The following TMEM200A variants were observed in gnomAD, a reference collection of about 807,000 sequenced individuals.
TMEM200A encodes the protein two transmembrane C.
Under a neutral mutation model 24.3 loss-of-function variants are expected in TMEM200A, and 12 were observed. The observed-to-expected ratio is 0.49, with a 90% confidence interval of 0.32 to 0.80. The LOEUF (loss-of-function observed/expected upper bound fraction) is 0.80, where lower values mean the gene tolerates loss of function less well. TMEM200A is among the 30% of genes least tolerant of loss of function. The pLI, the probability that TMEM200A is intolerant of heterozygous loss-of-function variation, is 0.04. For missense variants in TMEM200A, 545 were observed against 614.4 expected (o/e 0.89, Z 1.19); for synonymous variants, 224 against 224.4 (o/e 1.00, Z 0.02).
chr6:130,375,375 A>G (rs1160367968), intron 1 of TMEM200A, among the ~76,000 whole-genome samples: 5 of 152,242 alleles, frequency 3.3e-5, no homozygotes, highest in Admixed American at 6.5e-5. Flanking sequence ...AACATGCGTT[A>G]AAAAGTAAAC....
chr6:130,442,856 T>C lies in TMEM200A; in HGVS notation c.*958T>C, dbSNP rs1780231370. On this transcript the variant is annotated 3_prime_UTR_variant, in exon 3 of 3. Transcript: ENST00000296978. ...TCCTAGTATTTGGAAAACAATCGGC[T>C]AACCTTGACATTTCTTTTTACCTTC... The C allele has an allele frequency of 6.0e-6, 1 of 167,034 alleles. No homozygotes were observed. The highest frequency in any genetic ancestry group is 2.1e-4 in the South Asian group (1 of 4,828). The allele number at this position is 167,034 out of a possible 1,614,324, so 10.3% of individuals were successfully genotyped here. A position where few individuals can be genotyped will look rare whatever the true frequency, so the allele number is the denominator to read the frequency against.
intron 2 of TMEM200A, among the ~76,000 whole-genome samples, chr6:130,399,415 T>C (rs151310109): frequency 1.2e-4 from 19 of 152,126 alleles, no homozygotes; most frequent in Admixed American, 4.6e-4. Flanking sequence ...ATTTGGACTT[T>C]TTGATTTTAG....
chr6:130,416,893 T>C (rs1231982506), intron 2 of TMEM200A, among the ~76,000 whole-genome samples: 1 of 152,112 alleles, frequency 6.6e-6, no homozygotes, highest in Non-Finnish European at 1.5e-5. Context: ...TTGTTTTTCA[T>C]TCATTTCTTT....
chr6:130,370,291 G>A (rs1056902266), intron 1 of TMEM200A, among the ~76,000 whole-genome samples: 4 of 152,026 alleles, frequency 2.6e-5, no homozygotes, highest in Non-Finnish European at 5.9e-5. Flanking sequence ...GGCTCTGATT[G>A]GCCCTGCTCA....
intron 2 of TMEM200A, among the ~76,000 whole-genome samples, chr6:130,395,951 A>G (rs1011814669): frequency 1.3e-5 from 2 of 152,220 alleles, no homozygotes; most frequent in Non-Finnish European, 2.9e-5. Context: ...TAACATTTAA[A>G]CAGCTCCATC....
At chr6:130,384,763 G>C (rs1778675641) in intron 1 of TMEM200A, among the ~76,000 whole-genome samples, 1 of 152,158 alleles carries the variant, frequency 6.6e-6, no homozygotes. Flanking sequence ...CTTAACCTTT[G>C]AAGTGATGAT....
chr6:130,384,922 A>G (rs1484155226), intron 1 of TMEM200A, among the ~76,000 whole-genome samples: 3 of 152,182 alleles, frequency 2.0e-5, no homozygotes, highest in Non-Finnish European at 2.9e-5. Flanking sequence ...AAAAATTTAC[A>G]TTTGGAGTAC....
At chr6:130,395,792 G>T (rs751309387) in intron 2 of TMEM200A, among the ~76,000 whole-genome samples, 7 of 152,170 alleles carry the variant, frequency 4.6e-5, no homozygotes, top group Admixed American at 1.3e-4. Context: ...GATCAAAGTC[G>T]TTGAATTTAA....
At chr6:130,396,994 C>T (rs1195984373) in intron 2 of TMEM200A, among the ~76,000 whole-genome samples, 6 of 152,040 alleles carry the variant, frequency 3.9e-5, no homozygotes, top group South Asian at 2.1e-4. Context: ...GTCTTATGTA[C>T]GTTTAAGTTT....
chr6:130,383,426 C>T (rs141922119), intron 1 of TMEM200A, among the ~76,000 whole-genome samples: 15 of 152,268 alleles, frequency 9.9e-5, no homozygotes, highest in East Asian at 1.9e-4. Context: ...TGTTTTGAAA[C>T]GTTCATGATG....
intron 2 of TMEM200A, among the ~76,000 whole-genome samples, chr6:130,406,815 T>C (rs761714969): frequency 3.9e-5 from 6 of 152,182 alleles, no homozygotes; most frequent in African/African-American, 7.2e-5. Context: ...ACTCAAATCT[T>C]AGCAAGAGTA....
At chr6:130,399,433 G>A (rs1192199403) in intron 2 of TMEM200A, among the ~76,000 whole-genome samples, 1 of 151,856 alleles carries the variant, frequency 6.6e-6, no homozygotes, top group African/African-American at 2.4e-5. Flanking sequence ...TAGCTACTGT[G>A]TTTTCTAATT....
At chr6:130,385,310 T>A (rs1778687483) in intron 2 of TMEM200A, 74 bp downstream of exon 2, 1 of 152,214 alleles carries the variant, frequency 6.6e-6, no homozygotes, top group Non-Finnish European at 1.5e-5. Flanking sequence ...TATGATGATT[T>A]TTTTGTAATG....
chr6:130,365,627 C>T, upstream of TMEM200A: 1 of 985,478 alleles, frequency 1.0e-6, no homozygotes, highest in Non-Finnish European at 1.2e-6. Context: ...GGCTCGGTAA[C>T]CGGTGGTCCC....
intron 2 of TMEM200A, among the ~76,000 whole-genome samples, chr6:130,431,417 A>G (rs990773821): frequency 2.0e-5 from 3 of 152,110 alleles, no homozygotes; most frequent in Admixed American, 2.0e-4. Context: ...GTCTTAGTAA[A>G]TTGGTGACAT....
chr6:130,421,164 G>A (rs2115181868), intron 2 of TMEM200A: 1 of 152,224 alleles, frequency 6.6e-6, no homozygotes, highest in Non-Finnish European at 1.5e-5. Flanking sequence ...CCAGTTTGCT[G>A]GGCCCGCTTG....
intron 2 of TMEM200A, among the ~76,000 whole-genome samples, chr6:130,417,690 C>A (rs1486786873): frequency 2.6e-5 from 4 of 152,090 alleles, no homozygotes; most frequent in Non-Finnish European, 4.4e-5. Context: ...GAAGCAAAAC[C>A]AGGAAGTAGA....
Position 130,441,799 on chromosome 6 carries a change from G to A in TMEM200A, c.1377G>A (p.Lys459=), listed in dbSNP as rs1780198789. 6.2e-7 allele frequency: 1 copy of A among 1,614,054 alleles called. No homozygotes were observed. The highest frequency in any genetic ancestry group is 8.5e-7 in the Non-Finnish European group (1 of 1,179,968). ...AAAAGGACTTTACCAATAAGGAGAA[G>A]CTTCTTATGATTTCAAGATCTCACA... ...AIKKDFTNKE[K]LLMISRSHNN... The change falls in exon 3 of 3, where the codon AAG becomes AAA. Residue 459 remains lysine, a synonymous_variant. Transcript: ENST00000296978.
intron 2 of TMEM200A, among the ~76,000 whole-genome samples, chr6:130,427,031 T>C (rs1002513578): frequency 6.6e-6 from 1 of 152,198 alleles, no homozygotes; most frequent in African/African-American, 2.4e-5. Flanking sequence ...TATTTTCTAG[T>C]TGCTCCAATC....
Sources: gnomAD v4.1 joint callset for allele counts (sites outside exome capture counted in the v4.1 genomes callset) on GRCh38, gnomAD v4.1.1 for gene constraint, MANE v1.5 for transcripts, NCBI Gene and HGNC (gene_info 2026-07-23, HGNC 2026-07-21) for gene names.